Variants in BANK1 observed in about 807,000 individuals in gnomAD.
The protein encoded by BANK1 is B-cell scaffold protein with ankyrin repeats.
BANK1 carries 95 observed loss-of-function variants against 94.5 expected under a neutral mutation model. That is an observed-to-expected ratio of 1.00 (90% CI 0.85 to 1.19). The LOEUF (loss-of-function observed/expected upper bound fraction) is 1.19. BANK1 is among the 50% of genes most tolerant of loss of function. The probability of loss-of-function intolerance (pLI) is 0.00; values close to 1 mark genes in which losing one functional copy is unlikely to be tolerated. For synonymous variants in BANK1, 334 were observed against 308.4 expected, an observed-to-expected ratio of 1.08 and a Z score of -0.87; for missense variants, 987 against 932.2, an observed-to-expected ratio of 1.06 and a Z score of -0.77.
chr4:101,969,193 G>T (rs1357367880), intron 7 of BANK1, among the ~76,000 whole-genome samples: 1 of 152,010 alleles, frequency 6.6e-6, no homozygotes, highest in Non-Finnish European at 1.5e-5. Context: ...CTGAACTATA[G>T]CTTTCTCTAT....
chr4:101,886,610 G>GT (rs771578090), intron 5 of BANK1, among the ~76,000 whole-genome samples: 74 of 152,192 alleles, frequency 4.9e-4, no homozygotes, highest in Non-Finnish European at 8.4e-4. Flanking sequence ...AAAGGGCATG[G>GT]TTCTTTTGAT....
chr4:102,063,393 A>C (rs1035458480), intron 13 of BANK1, among the ~76,000 whole-genome samples: 5 of 151,808 alleles, frequency 3.3e-5, no homozygotes, highest in South Asian at 2.1e-4. Flanking sequence ...TCATAATGAA[A>C]GTTCATAATG....
Position 102,000,846 on chromosome 4 carries a change from A to G in BANK1, c.1207-20668A>G, listed in dbSNP as rs143846250. Among the ~76,000 whole-genome samples the G allele has an allele frequency of 4.3e-4, 65 of 152,346 alleles. 1 individual carries two copies. The highest frequency in any genetic ancestry group is 6.8e-3 in the Middle Eastern group (2 of 294). ...ACCTTGTGCAAATCGATTGGACTAT[A>G]GGATCCAACACATAATAGAGCATCC... On this transcript the variant is annotated intron_variant, in intron 7 of 16. Transcript: ENST00000322953.
At chr4:101,879,813 C>A (rs534657134) in intron 5 of BANK1, among the ~76,000 whole-genome samples, 1 of 151,952 alleles carries the variant, frequency 6.6e-6, no homozygotes, top group Non-Finnish European at 1.5e-5. Flanking sequence ...TGTGATATAT[C>A]GTATCAACAG....
At position 101,877,443 on chromosome 4, in the gene BANK1, A is replaced by G. The variant is rs530212699; in HGVS notation, c.903+6799A>G. Among the ~76,000 whole-genome samples, 25 of 152,360 alleles carry G rather than the reference A, an allele frequency of 1.6e-4. 1 individual carries two copies. In the South Asian group the frequency reaches 4.3e-3, roughly 26 times the overall value. ...TTATTTCAATTAGAAAGAGTAAGCG[A>G]TGAACCAATCAAAAATAGTAACTAC... On this transcript the variant is annotated intron_variant, in intron 5 of 16. Transcript: ENST00000322953.
At chr4:101,965,136 G>A (rs1421286081) in intron 7 of BANK1, among the ~76,000 whole-genome samples, 3 of 151,730 alleles carry the variant, frequency 2.0e-5, no homozygotes. Flanking sequence ...TGGTGTATAT[G>A]TGCCACATAA....
chr4:102,063,288 A>G, intron 13 of BANK1, 150 bp downstream of exon 13: 1 of 648,114 alleles, frequency 1.5e-6, no homozygotes, highest in Non-Finnish European at 2.6e-6. Flanking sequence ...CTGGTAGTCA[A>G]ATTCCTTGTC....
At chr4:101,882,695 G>T (rs1438306238) in intron 5 of BANK1, among the ~76,000 whole-genome samples, 8 of 152,140 alleles carry the variant, frequency 5.3e-5, no homozygotes, top group African/African-American at 1.9e-4. Flanking sequence ...GTCCTTATGT[G>T]TACAATGAAG....
At chr4:101,848,186 T>C (rs1291022677) in intron 2 of BANK1, among the ~76,000 whole-genome samples, 1 of 152,136 alleles carries the variant, frequency 6.6e-6, no homozygotes, top group African/African-American at 2.4e-5. Context: ...ACTTCCGCAG[T>C]TGGGGCACTC....
At chr4:102,036,469 T>C (rs942692984) in intron 10 of BANK1, among the ~76,000 whole-genome samples, 1 of 152,218 alleles carries the variant, frequency 6.6e-6, no homozygotes, top group African/African-American at 2.4e-5. Flanking sequence ...AGGTCTTAGA[T>C]CAACTGCCTT....
At chr4:101,836,685 A>C (rs1726842577) in intron 2 of BANK1, among the ~76,000 whole-genome samples, 1 of 152,208 alleles carries the variant, frequency 6.6e-6, no homozygotes, top group Admixed American at 6.5e-5. Flanking sequence ...TCAAGAATAC[A>C]TAACCTCAAT....
At chr4:101,924,529 A>G (rs912826921) in intron 7 of BANK1, among the ~76,000 whole-genome samples, 5 of 151,762 alleles carry the variant, frequency 3.3e-5, no homozygotes, top group Non-Finnish European at 7.4e-5. Context: ...TAGGAAACAG[A>G]AGCAGAAAGG....
intron 7 of BANK1, among the ~76,000 whole-genome samples, chr4:101,924,141 T>C (rs1723083176): frequency 6.6e-6 from 1 of 151,788 alleles, no homozygotes; most frequent in South Asian, 2.1e-4. Context: ...CCCAAATTAA[T>C]TTTATGAGAT....
chr4:101,822,461 AT>A (rs1421681768), intron 1 of BANK1, among the ~76,000 whole-genome samples: 1 of 152,106 alleles, frequency 6.6e-6, no homozygotes, highest in African/African-American at 2.4e-5. Context: ...AAGTTACCAT[AT>A]TTCATTGATT....
At chr4:101,937,374 T>C (rs1269672225) in intron 7 of BANK1, among the ~76,000 whole-genome samples, 1 of 151,784 alleles carries the variant, frequency 6.6e-6, no homozygotes, top group Non-Finnish European at 1.5e-5. Context: ...TACAAGGAAC[T>C]TAAACAAATT....
chr4:101,855,249 T>TG, intron 3 of BANK1, 60 bp downstream of exon 3: 3 of 1,501,300 alleles, frequency 2.0e-6, no homozygotes, highest in Admixed American at 1.8e-5. Context: ...TGGTGGTGGT[T>TG]GTTGTTGTTT....
At chr4:101,916,495 A>G (rs1722833200) in intron 6 of BANK1, among the ~76,000 whole-genome samples, 1 of 151,964 alleles carries the variant, frequency 6.6e-6, no homozygotes, top group African/African-American at 2.4e-5. Flanking sequence ...TTTTCATTTT[A>G]TTATTCTAGT....
chr4:102,057,033 A>G (rs1009857780), intron 11 of BANK1, among the ~76,000 whole-genome samples: 1 of 151,998 alleles, frequency 6.6e-6, no homozygotes, highest in Non-Finnish European at 1.5e-5. Context: ...AACAAAACAA[A>G]ACAAACAAAC....
chr4:101,965,404 C>T (rs1044840982), intron 7 of BANK1, among the ~76,000 whole-genome samples: 15 of 151,220 alleles, frequency 9.9e-5, no homozygotes, highest in Non-Finnish European at 2.1e-4. Context: ...CAAGCAAATG[C>T]GACATGCAGT....
Sources: gnomAD v4.1 joint callset for allele counts (sites outside exome capture counted in the v4.1 genomes callset) on GRCh38, gnomAD v4.1.1 for gene constraint, MANE v1.5 for transcripts, NCBI Gene and HGNC (gene_info 2026-07-23, HGNC 2026-07-21) for gene names.